TRAPPC9: variants seen among roughly 807,000 people sequenced by gnomAD.
TRAPPC9 encodes the protein trafficking protein particle complex subunit 9, also known as IKK2 binding protein.
A neutral mutation model predicts 124.0 loss-of-function variants in TRAPPC9; 83 were observed. The ratio of observed to expected loss-of-function variants is 0.67; its 90% confidence interval spans 0.56 to 0.80. The LOEUF (loss-of-function observed/expected upper bound fraction) is 0.80. Ranked by LOEUF, TRAPPC9 falls within the 30% of genes least tolerant of loss-of-function variation. The pLI is 0.00. For synonymous variants in TRAPPC9, 638 were observed against 617.5 expected (o/e 1.03, Z -0.49); for missense variants, 1,302 against 1,508.3 (o/e 0.86, Z 2.27).
intron 17 of TRAPPC9, among the ~76,000 whole-genome samples, chr8:140,201,151 C>T (rs539605476): frequency 2.6e-5 from 4 of 152,204 alleles, no homozygotes; most frequent in South Asian, 2.1e-4. Flanking sequence ...CAGGCAGAGG[C>T]GGGACTGTGG....
Position 140,371,097 on chromosome 8 carries a change from G to A in TRAPPC9, c.1218C>T (p.Phe406=). The A allele has an allele frequency of 6.2e-7, 1 of 1,614,238 alleles. No individual in the cohort carries two copies. The highest frequency in any genetic ancestry group is 1.3e-5 in the African/African-American group (1 of 75,082). ...ELIGFHRKSA[F]FKRVAAMQCV... ...ACTGCATGGCGGCCACGCGCTTGAA[G>A]AACGCAGACTTGCGATGGAAGCCGA... Residue 406 remains phenylalanine (F), a synonymous_variant, in exon 8 of 23, where the codon TTC becomes TTT. Transcript: ENST00000438773.
At chr8:140,215,364 C>T (rs545646155) in intron 17 of TRAPPC9, among the ~76,000 whole-genome samples, 2 of 152,224 alleles carry the variant, frequency 1.3e-5, no homozygotes, top group South Asian at 2.1e-4. Flanking sequence ...GGGCAGGCGC[C>T]GGGCACGGTG....
intron 17 of TRAPPC9, among the ~76,000 whole-genome samples, chr8:140,122,271 T>C (rs974668594): frequency 1.8e-4 from 28 of 152,180 alleles, no homozygotes; most frequent in Non-Finnish European, 1.5e-5. Flanking sequence ...CCAACCCCAG[T>C]TGGGCCTCAG....
chr8:140,325,496 A>G (rs1171116918), intron 9 of TRAPPC9, among the ~76,000 whole-genome samples: 3 of 152,248 alleles, frequency 2.0e-5, no homozygotes, highest in African/African-American at 7.2e-5. Context: ...AACAGTATAA[A>G]CAACCATATG....
intron 15 of TRAPPC9, among the ~76,000 whole-genome samples, chr8:140,266,761 G>GAGCTACTCGGGAGGCCA (rs1477009358): frequency 6.6e-6 from 1 of 151,326 alleles, no homozygotes; most frequent in African/African-American, 2.4e-5. Flanking sequence ...TCGGGAGGCT[G>GAGCTACTCGGGAGGCCA]AGGCAGGAGA....
intron 20 of TRAPPC9, among the ~76,000 whole-genome samples, chr8:139,895,861 T>C (rs1830637035): frequency 6.6e-6 from 1 of 152,232 alleles, no homozygotes; most frequent in South Asian, 2.1e-4. Flanking sequence ...CATTAAAAAG[T>C]CTCACACCAG....
At chr8:139,860,493 C>T (rs1212589209) in intron 21 of TRAPPC9, among the ~76,000 whole-genome samples, 7 of 152,250 alleles carry the variant, frequency 4.6e-5, no homozygotes. Flanking sequence ...TAGGCCTCTG[C>T]TGTGTGTCAC....
chr8:139,844,284 G>A (rs191807643), intron 21 of TRAPPC9, among the ~76,000 whole-genome samples: 97 of 152,338 alleles, frequency 6.4e-4, no homozygotes, highest in African/African-American at 2.2e-3. Context: ...GACCACACCC[G>A]GCTGTTGTGA....
chr8:140,028,176 A>T (rs889585938), intron 17 of TRAPPC9, among the ~76,000 whole-genome samples: 1 of 151,972 alleles, frequency 6.6e-6, no homozygotes, highest in Non-Finnish European at 1.5e-5. Flanking sequence ...TAATAATAAG[A>T]ACATAAGGGG....
intron 19 of TRAPPC9, among the ~76,000 whole-genome samples, chr8:139,934,794 G>C (rs752312764): frequency 2.0e-5 from 3 of 152,144 alleles, no homozygotes; most frequent in African/African-American, 4.8e-5. Flanking sequence ...AGGGGACATG[G>C]CTCTGGGCAG....
chr8:139,932,320 T>C, intron 19 of TRAPPC9: 1 of 457,324 alleles, frequency 2.2e-6, no homozygotes, highest in Middle Eastern at 3.3e-4. Context: ...GATGTCAGGC[T>C]TGGCCACAGG....
chr8:140,116,053 G>A (rs2060880492), intron 17 of TRAPPC9, among the ~76,000 whole-genome samples: 1 of 152,158 alleles, frequency 6.6e-6, no homozygotes, highest in Non-Finnish European at 1.5e-5. Flanking sequence ...CCAGCAGAGG[G>A]GGCAGCAGGC....
intron 19 of TRAPPC9, among the ~76,000 whole-genome samples, chr8:139,969,315 C>A (rs542809334): frequency 6.6e-6 from 1 of 152,356 alleles, no homozygotes; most frequent in Admixed American, 6.5e-5. Flanking sequence ...GCAGCCTTTC[C>A]CTCTCGCTAG....
At position 139,920,121 on chromosome 8, in the gene TRAPPC9, G is replaced by A. The variant is rs557088875; in HGVS notation, c.2811-9821C>T. 1.5e-4 allele frequency among the ~76,000 whole-genome samples: 23 copies of A among 152,318 alleles called. No homozygotes were observed. In the South Asian group the frequency reaches 2.7e-3, roughly 18 times the overall value. On this transcript the variant is annotated intron_variant, in intron 19 of 22. Transcript: ENST00000438773. ...AGCACTTTGGGAGGCTAAGCCGGGC[G>A]GATCACTTGAGGTCAGGAGTTCGAG... is the stretch of plus-strand genomic sequence containing the variant.
In TRAPPC9 at chr8:139,737,890, CGGA is replaced by C. The variant is rs778193961; in HGVS notation, c.3056-5691_3056-5689del. Among the ~76,000 whole-genome samples, 13 of 152,278 alleles carry C rather than the reference CGGA, an allele frequency of 8.5e-5. No homozygotes were observed. In the East Asian group the frequency reaches 1.9e-3, roughly 23 times the overall value. ...AGGAGGGGAGGATCTGCAGGAGCAG[CGGA>C]GGAGAACTAGGACGGGGATGCTTTG... On this transcript the variant is annotated intron_variant, in intron 21 of 22. Coordinates refer to ENST00000438773, the MANE Select transcript of TRAPPC9 (RefSeq NM_001160372.4).
At chr8:140,365,765 G>C (rs1350824132) in intron 8 of TRAPPC9, among the ~76,000 whole-genome samples, 1 of 152,222 alleles carries the variant, frequency 6.6e-6, no homozygotes, top group Admixed American at 6.5e-5. Context: ...CATCTAATAA[G>C]GACAATTTAT....
chr8:140,125,587 CTTTTTTT>C lies in TRAPPC9; in HGVS notation c.2556+95865_2556+95871del, dbSNP rs11292333. 3.3e-3 allele frequency among the ~76,000 whole-genome samples: 224 copies of C among 67,828 alleles called. 2 individuals carry two copies. The highest frequency in any genetic ancestry group is 0.012 in the African/African-American group (200 of 16,284). The allele number at this position is 67,828 out of a possible 152,430, so 44.5% of individuals were successfully genotyped here. On this transcript the variant is annotated intron_variant, in intron 17 of 22. Coordinates refer to ENST00000438773, the MANE Select transcript of TRAPPC9 (RefSeq NM_001160372.4). ...GCATGTTCATTTATCGAATCTCATT[CTTTTTTT>C]TTTTTTTTTTTTTTTTTTGAGATGG...
At chr8:139,760,117 G>A (rs967891692) in intron 21 of TRAPPC9, among the ~76,000 whole-genome samples, 3 of 152,218 alleles carry the variant, frequency 2.0e-5, no homozygotes, top group Non-Finnish European at 2.9e-5. Flanking sequence ...GTATGTGGGT[G>A]TGGAGCGTAG....
At chr8:140,298,754 C>T (rs758966704) in intron 11 of TRAPPC9, among the ~76,000 whole-genome samples, 37 of 152,208 alleles carry the variant, frequency 2.4e-4, no homozygotes, top group Non-Finnish European at 4.7e-4. Context: ...ACAGTGAGAT[C>T]TAGGTTCTCC....
Sources: gnomAD v4.1 joint callset for allele counts (sites outside exome capture counted in the v4.1 genomes callset) on GRCh38, gnomAD v4.1.1 for gene constraint, MANE v1.5 for transcripts, NCBI Gene and HGNC (gene_info 2026-07-23, HGNC 2026-07-21) for gene names.